LRP1B: variants seen among roughly 807,000 people sequenced by gnomAD.
LRP1B encodes low-density lipoprotein receptor-related protein 1B.
In LRP1B, 217 loss-of-function variants were observed where a neutral mutation model predicts 556.6. That is an observed-to-expected ratio of 0.39 (90% CI 0.35 to 0.44). LRP1B has a LOEUF of 0.44. Among genes scored for constraint, LRP1B ranks in the 20% least tolerant of loss-of-function variants. The pLI is 1.00. For missense variants in LRP1B, 5,053 were observed against 5,620.8 expected (o/e 0.90, Z 3.23); for synonymous variants, 2,047 against 1,865.8 (o/e 1.10, Z -2.50).
At chr2:141,726,133 TAA>T (rs1438168486) in intron 2 of LRP1B, among the ~76,000 whole-genome samples, 1 of 151,346 alleles carries the variant, frequency 6.6e-6, no homozygotes, top group Non-Finnish European at 1.5e-5. Flanking sequence ...ATATAGGCAT[TAA>T]AAGTCATGTA....
Position 141,605,224 on chromosome 2 carries a change from A to T in LRP1B, c.206-124691T>A, listed in dbSNP as rs548508476. On this transcript the variant is annotated intron_variant, in intron 2 of 90. Coordinates refer to ENST00000389484, the MANE Select transcript of LRP1B (RefSeq NM_018557.3). ...GTTTTGTATGACACTTGAGATAACA[A>T]TGGTTTTGTATTTTTAAAGGGTATA... Among the ~76,000 whole-genome samples the T allele has an allele frequency of 3.3e-5, 5 of 152,230 alleles. No individual in the cohort carries two copies. In the South Asian group the frequency reaches 1.0e-3, roughly 32 times the overall value.
chr2:140,801,582 A>ATTTTTTTTTTTTT (rs10545209), intron 32 of LRP1B, among the ~76,000 whole-genome samples: 1 of 147,078 alleles, frequency 6.8e-6, no homozygotes. Context: ...AATCTTACTA[A>ATTTTTTTTTTTTT]TTTTTTTTTT....
intron 11 of LRP1B, among the ~76,000 whole-genome samples, chr2:141,044,727 C>G (rs1225704651): frequency 6.7e-6 from 1 of 150,142 alleles, no homozygotes; most frequent in Non-Finnish European, 1.5e-5. Flanking sequence ...GAGATACCAT[C>G]TCACACCAGT....
chr2:141,903,831 G>A (rs1003639380), intron 1 of LRP1B, among the ~76,000 whole-genome samples: 4 of 151,934 alleles, frequency 2.6e-5, no homozygotes, highest in Admixed American at 6.6e-5. Flanking sequence ...AAGTAATGTG[G>A]TAGTTACGTG....
chr2:142,005,011 G>T, intron 1 of LRP1B, among the ~76,000 whole-genome samples: 1 of 147,740 alleles, frequency 6.8e-6, no homozygotes, highest in East Asian at 2.0e-4. Context: ...TAGTATTATA[G>T]ATATTATATA....
chr2:142,126,657 TTTGA>T (rs1297384135), intron 1 of LRP1B, among the ~76,000 whole-genome samples: 2 of 151,892 alleles, frequency 1.3e-5, no homozygotes, highest in African/African-American at 4.8e-5. Context: ...TATCAGTATG[TTTGA>T]TTGGTACTTT....
intron 51 of LRP1B, among the ~76,000 whole-genome samples, chr2:140,513,474 C>T (rs1425432994): frequency 7.0e-6 from 1 of 142,056 alleles, no homozygotes; most frequent in Non-Finnish European, 1.5e-5. Context: ...GAGAAACAGA[C>T]AGTCATCTAA....
At chr2:141,222,456 C>T (rs1212937147) in intron 6 of LRP1B, among the ~76,000 whole-genome samples, 2 of 152,080 alleles carry the variant, frequency 1.3e-5, no homozygotes, top group African/African-American at 2.4e-5. Flanking sequence ...AGGTACAAAG[C>T]GGAGCTGGTA....
intron 2 of LRP1B, among the ~76,000 whole-genome samples, chr2:141,734,476 G>A (rs886222321): frequency 6.6e-6 from 1 of 151,882 alleles, no homozygotes; most frequent in Non-Finnish European, 1.5e-5. Context: ...GAGTGAGAGA[G>A]AGAATGAGAG....
chr2:142,011,768 AC>A (rs1281757847), intron 1 of LRP1B, among the ~76,000 whole-genome samples: 6 of 152,196 alleles, frequency 3.9e-5, no homozygotes, highest in African/African-American at 1.4e-4. Flanking sequence ...AAGAGAGTCA[AC>A]CAAGAAATAC....
At chr2:141,877,867 A>G (rs901174988) in intron 1 of LRP1B, among the ~76,000 whole-genome samples, 8 of 152,010 alleles carry the variant, frequency 5.3e-5, no homozygotes, top group Middle Eastern at 3.2e-3. Flanking sequence ...ACCAAGATTG[A>G]TCAGTTACCA....
chr2:141,505,121 C>T, intron 2 of LRP1B, among the ~76,000 whole-genome samples: 1 of 151,808 alleles, frequency 6.6e-6, no homozygotes, highest in Non-Finnish European at 1.5e-5. Flanking sequence ...CTCTCCCCCT[C>T]TCTCTCTTCC....
Position 142,055,420 on chromosome 2 carries a change from G to A in LRP1B, c.82+75228C>T, listed in dbSNP as rs534572065. Among the ~76,000 whole-genome samples, 224 of 152,212 alleles carry A rather than the reference G, an allele frequency of 1.5e-3. 2 individuals are homozygous for A. The highest frequency in any genetic ancestry group is 3.4e-3 in the Middle Eastern group (1 of 294). The stretch of plus-strand genomic sequence containing the variant: ...AGACTATTTGCAGAGAAGAGGTAAA[G>A]ATTAAGAGAAAAGAAAAATGTAATG... On this transcript the variant is annotated intron_variant, in intron 1 of 90. Coordinates refer to ENST00000389484, the MANE Select transcript of LRP1B (RefSeq NM_018557.3).
intron 63 of LRP1B, among the ~76,000 whole-genome samples, chr2:140,445,122 T>C (rs1686599640): frequency 6.6e-6 from 1 of 151,934 alleles, no homozygotes; most frequent in African/African-American, 2.4e-5. Context: ...CTCTCTCTCT[T>C]TTTTTTCTTT....
intron 7 of LRP1B, among the ~76,000 whole-genome samples, chr2:141,168,364 G>A (rs1680355820): frequency 6.6e-6 from 1 of 151,994 alleles, no homozygotes; most frequent in African/African-American, 2.4e-5. Context: ...CTAGGTTTTG[G>A]GAGAAAATGA....
In LRP1B at chr2:141,015,816, C is replaced by T. The variant is rs1697884044; in HGVS notation, c.2070G>A (p.Val690=). ...WMDGFNRQIF[V]TSKMLWPNGL... is the part of the protein sequence containing the mutation. Reference sequence around the variant, plus strand: ...CGTTTGGCCACAGCATCTTTGAAGTCACAAAAATCTGCCGATTGAATCCAT... The same window carrying T: ...CGTTTGGCCACAGCATCTTTGAAGTTACAAAAATCTGCCGATTGAATCCAT... The change falls in exon 13 of 91, where the codon GTG becomes GTA. Residue 690 remains valine (V), a synonymous_variant. Transcript: ENST00000389484. 6.2e-7 allele frequency: 1 copy of T among 1,613,442 alleles called. No homozygotes were observed. Among genetic ancestry groups the T allele is most frequent in the Admixed American group, 1.7e-5 (1 of 59,918 alleles).
At chr2:141,830,629 C>G (rs1294942839) in intron 1 of LRP1B, among the ~76,000 whole-genome samples, 1 of 151,868 alleles carries the variant, frequency 6.6e-6, no homozygotes, top group East Asian at 1.9e-4. Flanking sequence ...TTCAGTGGGA[C>G]AGTCTATAAT....
intron 7 of LRP1B, among the ~76,000 whole-genome samples, chr2:141,069,490 G>T (rs1032991046): frequency 3.3e-5 from 5 of 152,056 alleles, no homozygotes; most frequent in African/African-American, 1.2e-4. Context: ...CTGAGGTGGA[G>T]TCTAGGCCCT....
At chr2:141,853,383 A>G (rs1345981402) in intron 1 of LRP1B, among the ~76,000 whole-genome samples, 2 of 151,692 alleles carry the variant, frequency 1.3e-5, no homozygotes, top group African/African-American at 2.4e-5. Context: ...GAAATACTCA[A>G]TCTCAATTGT....
Sources: gnomAD v4.1 joint callset for allele counts (sites outside exome capture counted in the v4.1 genomes callset) on GRCh38, gnomAD v4.1.1 for gene constraint, MANE v1.5 for transcripts, NCBI Gene and HGNC (gene_info 2026-07-23, HGNC 2026-07-21) for gene names.